PDE7A: variants seen among roughly 807,000 people sequenced by gnomAD.
PDE7A encodes high affinity 3',5'-cyclic-AMP phosphodiesterase 7A.
In PDE7A, 39 loss-of-function variants were observed where a neutral mutation model predicts 64.3. The observed-to-expected ratio is 0.61, with a 90% CI of 0.47 to 0.79. The LOEUF is 0.79. Ranked by LOEUF, PDE7A falls within the 30% of genes least tolerant of loss-of-function variation. The probability of loss-of-function intolerance (pLI) is 0.00; values close to 1 mark genes in which losing one functional copy is unlikely to be tolerated. For missense variants in PDE7A, 470 were observed against 582.8 expected (o/e 0.81, Z 1.99); for synonymous variants, 203 against 206.8 (o/e 0.98, Z 0.16).
chr8:65,768,011 G>C (rs545259310), intron 3 of PDE7A, among the ~76,000 whole-genome samples: 2 of 151,986 alleles, frequency 1.3e-5, no homozygotes, highest in Non-Finnish European at 2.9e-5. Context: ...TTAACCTGTG[G>C]GGTCTGACAC....
chr8:65,827,788 G>A (rs1810714400), intron 1 of PDE7A, among the ~76,000 whole-genome samples: 1 of 152,200 alleles, frequency 6.6e-6, no homozygotes, highest in Non-Finnish European at 1.5e-5. Context: ...GCCTAGGTGT[G>A]TGGTAGGCTA....
intron 6 of PDE7A, among the ~76,000 whole-genome samples, chr8:65,736,681 T>C (rs892652014): frequency 6.6e-6 from 1 of 151,690 alleles, no homozygotes; most frequent in Non-Finnish European, 1.5e-5. Context: ...AGCCGAGAGG[T>C]TGAGGGTGCA....
In PDE7A at chr8:65,841,593, G is replaced by T; in HGVS notation, c.-85C>A. ...AGTGGGAGGGGGCCGCGGCTCGGGG[G>T]CTCCGGGCCGAGACGGGGGCAGGGC... On this transcript the variant is annotated 5_prime_UTR_variant, in exon 1 of 13. Transcript: ENST00000401827. 2 of 714,492 alleles carry T rather than the reference G, an allele frequency of 2.8e-6. No individual in the cohort carries two copies. The highest frequency in any genetic ancestry group is 1.9e-6 in the Non-Finnish European group (1 of 537,656). 44.3% of individuals were successfully genotyped at this position (714,492 alleles called of 1,614,324 possible).
rs1413548996 is a variant in PDE7A at position 65,714,944 on chromosome 8, G to A, written c.*4346C>T. Reference sequence around the variant, plus strand: ...ATCATTACCAACCATCACATTTACAGTGAGTACAAATATTGACCAGGAACC... The same window carrying A: ...ATCATTACCAACCATCACATTTACAATGAGTACAAATATTGACCAGGAACC... On this transcript the variant is annotated 3_prime_UTR_variant, in exon 13 of 13. Transcript: ENST00000401827. Among the ~76,000 whole-genome samples the A allele has an allele frequency of 6.6e-6, 1 of 152,088 alleles. No homozygotes were observed. Among genetic ancestry groups the A allele is most frequent in the Non-Finnish European group, 1.5e-5 (1 of 68,030 alleles).
chr8:65,773,392 C>T (rs1219996034), intron 3 of PDE7A, among the ~76,000 whole-genome samples: 1 of 152,194 alleles, frequency 6.6e-6, no homozygotes, highest in African/African-American at 2.4e-5. Flanking sequence ...ACAACTTACA[C>T]ATTTGTCACC....
intron 1 of PDE7A, among the ~76,000 whole-genome samples, chr8:65,802,284 C>T (rs1810009862): frequency 6.6e-6 from 1 of 152,162 alleles, no homozygotes; most frequent in African/African-American, 2.4e-5. Context: ...TGTGAATGTA[C>T]TTAATGCTAC....
rs114864145 is a variant in PDE7A at position 65,788,115 on chromosome 8, A to C, written c.139-5272T>G. On this transcript the variant is annotated intron_variant, in intron 1 of 12. Transcript: ENST00000401827. Reference sequence around the variant, plus strand: ...TGAGAAAGAAAATTAACTTTATAGAAGCTTTGTTTCTAAGTGATAGCCTTA... The same window carrying C: ...TGAGAAAGAAAATTAACTTTATAGACGCTTTGTTTCTAAGTGATAGCCTTA... 4.2e-3 allele frequency among the ~76,000 whole-genome samples: 635 copies of C among 152,290 alleles called. 2 individuals carry two copies. The highest frequency in any genetic ancestry group is 0.015 in the African/African-American group (620 of 41,568).
At chr8:65,792,986 T>C (rs1243242874) in intron 1 of PDE7A, among the ~76,000 whole-genome samples, 3 of 152,108 alleles carry the variant, frequency 2.0e-5, no homozygotes, top group Non-Finnish European at 4.4e-5. Flanking sequence ...TGATTTCTCC[T>C]AGTATAAAGA....
chr8:65,723,724 C>T, intron 11 of PDE7A, 103 bp from the exon 12 acceptor site: 1 of 787,830 alleles, frequency 1.3e-6, no homozygotes, highest in East Asian at 3.4e-5. Flanking sequence ...GAAAAACATA[C>T]TTAATCCTCA....
intron 1 of PDE7A, among the ~76,000 whole-genome samples, chr8:65,835,667 C>T (rs908497421): frequency 5.3e-5 from 8 of 152,180 alleles, no homozygotes; most frequent in African/African-American, 1.7e-4. Context: ...GGCACCTCTC[C>T]CTCTTTCCAC....
chr8:65,751,194 T>A (rs1807937445), intron 3 of PDE7A, among the ~76,000 whole-genome samples: 1 of 152,182 alleles, frequency 6.6e-6, no homozygotes, highest in Non-Finnish European at 1.5e-5. Flanking sequence ...AGAATGAAAA[T>A]CCCACGAGAC....
chr8:65,744,665 T>A (rs945945753), intron 5 of PDE7A, among the ~76,000 whole-genome samples: 2 of 152,146 alleles, frequency 1.3e-5, no homozygotes, highest in Non-Finnish European at 2.9e-5. Context: ...GAAACAGGCA[T>A]ACAACATCAG....
At chr8:65,838,417 A>G (rs975698605) in intron 1 of PDE7A, 8 of 152,226 alleles carry the variant, frequency 5.3e-5, no homozygotes, top group African/African-American at 1.9e-4. Context: ...AACTCACATT[A>G]ACCATTTGAA....
At position 65,835,574 on chromosome 8, in the gene PDE7A, A is replaced by G. The variant is rs58800115; in HGVS notation, c.138+5797T>C. On this transcript the variant is annotated intron_variant, in intron 1 of 12. Coordinates refer to ENST00000401827, the MANE Select transcript of PDE7A (RefSeq NM_001242318.3). ...TCCTCAGAAAACAACACAATTCTCT[A>G]TAACTGCTCTGGTCAATAGTGAAGG... Among the ~76,000 whole-genome samples, 908 of 152,330 alleles carry G rather than the reference A, an allele frequency of 6.0e-3. 12 individuals are homozygous for G. Among genetic ancestry groups the G allele is most frequent in the African/African-American group, 0.021 (866 of 41,564 alleles).
At chr8:65,778,530 T>C (rs1585910707) in intron 3 of PDE7A, among the ~76,000 whole-genome samples, 1 of 152,190 alleles carries the variant, frequency 6.6e-6, no homozygotes, top group East Asian at 1.9e-4. Flanking sequence ...CCAAACTTGA[T>C]ATATACCCTG....
chr8:65,841,959 C>G lies in PDE7A; in HGVS notation c.-451G>C. 4.2e-6 allele frequency: 1 copy of G among 237,296 alleles called. No individual in the cohort carries two copies. Among genetic ancestry groups the G allele is most frequent in the South Asian group, 3.9e-5 (1 of 25,372 alleles). The allele number at this position is 237,296 out of a possible 1,614,324, so 14.7% of individuals were successfully genotyped here. On this transcript the variant is annotated 5_prime_UTR_variant, in exon 1 of 13. Transcript: ENST00000401827. Reference sequence around the variant, plus strand: ...CGCGGGACTCAGGAGCAGCGACCAGCTCGGGCCGCCGCCGCCGCCGCCGCC... The same window carrying G: ...CGCGGGACTCAGGAGCAGCGACCAGGTCGGGCCGCCGCCGCCGCCGCCGCC...
chr8:65,797,101 C>A (rs959991139), intron 1 of PDE7A, among the ~76,000 whole-genome samples: 1 of 152,084 alleles, frequency 6.6e-6, no homozygotes, highest in African/African-American at 2.4e-5. Context: ...ACATAAAATA[C>A]TTATGGATAA....
At chr8:65,805,245 T>C (rs1051159145) in intron 1 of PDE7A, among the ~76,000 whole-genome samples, 12 of 152,246 alleles carry the variant, frequency 7.9e-5, no homozygotes, top group African/African-American at 2.9e-4. Context: ...GAGCCCCTTA[T>C]TTAGAACCTG....
intron 3 of PDE7A, 38 bp downstream of exon 3, chr8:65,779,682 G>A (rs770956264): frequency 9.7e-7 from 1 of 1,026,222 alleles, no homozygotes; most frequent in Admixed American, 2.2e-5. Flanking sequence ...AAAATTTGTA[G>A]TGAAAATCCG....
Sources: gnomAD v4.1 joint callset for allele counts (sites outside exome capture counted in the v4.1 genomes callset) on GRCh38, gnomAD v4.1.1 for gene constraint, MANE v1.5 for transcripts, NCBI Gene and HGNC (gene_info 2026-07-23, HGNC 2026-07-21) for gene names.